Variants in RIMS1 observed in about 807,000 individuals in gnomAD.
RIMS1 encodes regulating synaptic membrane exocytosis 1.
Under a neutral mutation model 214.1 loss-of-function variants are expected in RIMS1, and 83 were observed. The observed-to-expected ratio is 0.39, with a 90% confidence interval of 0.32 to 0.47. The LOEUF is 0.47. RIMS1 is among the 20% of genes least tolerant of loss of function. The pLI, the probability that RIMS1 is intolerant of heterozygous loss-of-function variation, is 0.99. For synonymous variants in RIMS1, 793 were observed against 786.8 expected (o/e 1.01, Z -0.13); for missense variants, 2,050 against 2,161.8 (o/e 0.95, Z 1.03).
At chr6:72,164,442 C>T (rs1276922220) in intron 4 of RIMS1, among the ~76,000 whole-genome samples, 2 of 152,172 alleles carry the variant, frequency 1.3e-5, no homozygotes, top group Admixed American at 6.5e-5. Flanking sequence ...AACCCGGTAC[C>T]TCAATTGGAA....
intron 2 of RIMS1, among the ~76,000 whole-genome samples, chr6:72,031,827 G>A (rs1818196247): frequency 6.6e-6 from 1 of 152,002 alleles, no homozygotes; most frequent in South Asian, 2.1e-4. Flanking sequence ...TAGATGCATA[G>A]CAATATACTC....
At chr6:72,151,416 T>A (rs1469818854) in intron 4 of RIMS1, among the ~76,000 whole-genome samples, 1 of 152,206 alleles carries the variant, frequency 6.6e-6, no homozygotes, top group South Asian at 2.1e-4. Flanking sequence ...ATCTGAGTCT[T>A]AAAATTATAA....
intron 29 of RIMS1, among the ~76,000 whole-genome samples, chr6:72,346,165 A>T (rs1028265455): frequency 3.3e-5 from 5 of 151,858 alleles, no homozygotes; most frequent in Admixed American, 2.0e-4. Flanking sequence ...ACAATTTAGC[A>T]AAGTACCTGA....
At chr6:72,111,449 C>A (rs1350364906) in intron 4 of RIMS1, among the ~76,000 whole-genome samples, 3 of 152,196 alleles carry the variant, frequency 2.0e-5, no homozygotes, top group East Asian at 3.9e-4. Context: ...CTTCTCATAA[C>A]CCCTTAAGAA....
chr6:72,289,181 T>C (rs949481652), intron 24 of RIMS1, among the ~76,000 whole-genome samples: 7 of 152,198 alleles, frequency 4.6e-5, no homozygotes, highest in Non-Finnish European at 7.4e-5. Flanking sequence ...GTAATATCCG[T>C]GAAATTTCTC....
At chr6:71,888,190 C>G (rs2150310044) in intron 1 of RIMS1, among the ~76,000 whole-genome samples, 1 of 152,252 alleles carries the variant, frequency 6.6e-6, no homozygotes, top group South Asian at 2.1e-4. Flanking sequence ...CGGGGCTTTC[C>G]TTGCTTAGCA....
At chr6:71,921,105 G>C (rs879274478) in intron 1 of RIMS1, among the ~76,000 whole-genome samples, 10 of 151,974 alleles carry the variant, frequency 6.6e-5, no homozygotes, top group Non-Finnish European at 1.5e-4. Context: ...CTAAAACTCT[G>C]GTCTTCAATA....
chr6:72,363,594 A>C (rs563420474), intron 29 of RIMS1, among the ~76,000 whole-genome samples: 2 of 152,324 alleles, frequency 1.3e-5, no homozygotes, highest in African/African-American at 2.4e-5. Flanking sequence ...TCTGATATGC[A>C]TGCCTTTTCA....
Position 72,070,240 on chromosome 6 carries a change from G to A in RIMS1, c.246-26709G>A, listed in dbSNP as rs566421814. On this transcript the variant is annotated intron_variant, in intron 2 of 33. Coordinates refer to ENST00000521978, the MANE Select transcript of RIMS1 (RefSeq NM_014989.7). ...TAAAAGAGGTCATTTGAAATGTGTC[G>A]TTTAAAAATATGTAAAATGGAAAAT... 2.5e-3 allele frequency among the ~76,000 whole-genome samples: 375 copies of A among 151,986 alleles called. 2 individuals carry two copies. The highest frequency in any genetic ancestry group is 0.015 in the South Asian group (73 of 4,814).
chr6:72,043,428 G>A (rs1585527766), intron 2 of RIMS1, among the ~76,000 whole-genome samples: 1 of 151,822 alleles, frequency 6.6e-6, no homozygotes, highest in Admixed American at 6.6e-5. Context: ...CTAGTGGAAA[G>A]TTCCTGATGA....
chr6:72,316,737 C>T (rs2095821628), intron 28 of RIMS1: 1 of 658,944 alleles, frequency 1.5e-6, no homozygotes, highest in African/African-American at 1.8e-5. Context: ...GCCTGGGGGC[C>T]CTCTGGTTTC....
intron 4 of RIMS1, among the ~76,000 whole-genome samples, chr6:72,167,816 TC>T (rs2046468523): frequency 6.6e-6 from 1 of 152,090 alleles, no homozygotes. Context: ...CTGTTATTTT[TC>T]TTGACCAGTG....
chr6:72,008,620 T>G (rs573398289), intron 2 of RIMS1, among the ~76,000 whole-genome samples: 1 of 151,860 alleles, frequency 6.6e-6, no homozygotes, highest in South Asian at 2.1e-4. Flanking sequence ...AATAAAAGGA[T>G]GGAGGAAGAT....
At chr6:72,381,182 C>T (rs1218685311) in intron 29 of RIMS1, among the ~76,000 whole-genome samples, 1 of 152,032 alleles carries the variant, frequency 6.6e-6, no homozygotes. Flanking sequence ...TTGCGTCTTC[C>T]TAGGGTGGTC....
intron 16 of RIMS1, among the ~76,000 whole-genome samples, chr6:72,256,122 A>G (rs570813028): frequency 9.2e-5 from 14 of 152,160 alleles, no homozygotes; most frequent in Admixed American, 5.9e-4. Flanking sequence ...AAGAAAATCA[A>G]ATTTTTTGTA....
intron 29 of RIMS1, among the ~76,000 whole-genome samples, chr6:72,372,107 G>A (rs1459064319): frequency 6.6e-6 from 1 of 152,114 alleles, no homozygotes; most frequent in Non-Finnish European, 1.5e-5. Flanking sequence ...TAGGCCTGTG[G>A]TTCTAGAAGC....
At position 72,068,644 on chromosome 6, in the gene RIMS1, C is replaced by T. The variant is rs9446560; in HGVS notation, c.246-28305C>T. On this transcript the variant is annotated intron_variant, in intron 2 of 33. Transcript: ENST00000521978. ...CCAATAGGAATTTATGAGGTGCTGG[C>T]GGGGCGTGGTGGCTCATGCCTGTAA... 9.7e-3 allele frequency among the ~76,000 whole-genome samples: 1,471 copies of T among 152,158 alleles called. 25 individuals are homozygous for T. The highest frequency in any genetic ancestry group is 0.034 in the African/African-American group (1,397 of 41,524).
At chr6:72,392,637 G>T in intron 30 of RIMS1, 61 bp from the exon 31 acceptor site, 8 of 1,161,446 alleles carry the variant, frequency 6.9e-6, no homozygotes, top group Non-Finnish European at 1.0e-5. Context: ...GGAAACTAGT[G>T]AAAAGAATTC....
intron 1 of RIMS1, among the ~76,000 whole-genome samples, chr6:71,944,766 G>C (rs1033600387): frequency 6.6e-6 from 1 of 152,152 alleles, no homozygotes; most frequent in African/African-American, 2.4e-5. Flanking sequence ...GTCGGCCGAA[G>C]AGTACTCAAC....
Sources: allele counts gnomAD v4.1 joint callset (sites outside exome capture counted in the v4.1 genomes callset), GRCh38; gene constraint gnomAD v4.1.1; transcripts MANE v1.5; gene names NCBI Gene and HGNC (gene_info 2026-07-23, HGNC 2026-07-21).